LRRIQ1: variants seen among roughly 807,000 people sequenced by gnomAD.
The protein encoded by LRRIQ1 is leucine-rich repeat- and IQ domain-containing protein 1.
LRRIQ1 carries 210 observed loss-of-function variants against 211.9 expected under a neutral mutation model. The observed-to-expected ratio is 0.99, with a 90% CI of 0.89 to 1.11. The LOEUF is 1.11. Ranked by LOEUF, LRRIQ1 falls within the 50% of genes most tolerant of loss-of-function variation. LRRIQ1 has a pLI of 0.00. For missense variants in LRRIQ1, 2,136 were observed against 1,939.5 expected, an observed-to-expected ratio of 1.10 and a Z score of -1.90; for synonymous variants, 699 against 650.1, an observed-to-expected ratio of 1.08 and a Z score of -1.14.
intron 24 of LRRIQ1, among the ~76,000 whole-genome samples, chr12:85,173,401 A>G (rs548604530): frequency 6.6e-6 from 1 of 152,164 alleles, no homozygotes; most frequent in Non-Finnish European, 1.5e-5. Context: ...CCCATAACAA[A>G]ATACCATAGT....
At chr12:85,216,303 T>C (rs1056283403) in intron 24 of LRRIQ1, among the ~76,000 whole-genome samples, 1 of 152,268 alleles carries the variant, frequency 6.6e-6, no homozygotes, top group Non-Finnish European at 1.5e-5. Flanking sequence ...TTGAGAATGA[T>C]GGCTTCCAGC....
chr12:85,055,457 T>C, intron 7 of LRRIQ1, 90 bp from the exon 8 acceptor site: 1 of 1,037,952 alleles, frequency 9.6e-7, no homozygotes, highest in Non-Finnish European at 1.3e-6. Flanking sequence ...TCAGTTTTAG[T>C]ATTTGTTTTC....
intron 24 of LRRIQ1, among the ~76,000 whole-genome samples, chr12:85,186,730 T>C (rs1592938635): frequency 6.6e-6 from 1 of 152,196 alleles, no homozygotes; most frequent in East Asian, 1.9e-4. Context: ...CAAGCAGGTT[T>C]ATTGTCTTAG....
chr12:85,098,651 C>A, intron 12 of LRRIQ1, 103 bp downstream of exon 12: 1 of 939,670 alleles, frequency 1.1e-6, no homozygotes, highest in South Asian at 1.9e-5. Context: ...TTATTTTGTT[C>A]ATTTTTCACC....
intron 17 of LRRIQ1, 44 bp downstream of exon 17, chr12:85,124,563 T>C (rs746284620): frequency 1.1e-5 from 16 of 1,414,616 alleles, no homozygotes; most frequent in Admixed American, 1.7e-5. Flanking sequence ...GTATGTTTAC[T>C]CCTTTTGATG....
At chr12:85,265,495 A>G (rs1294734381), downstream of LRRIQ1, among the ~76,000 whole-genome samples, 2 of 152,036 alleles carry the variant, frequency 1.3e-5, no homozygotes, top group Non-Finnish European at 2.9e-5. Context: ...ATTATCTGCC[A>G]TGATATTTTT....
intron 23 of LRRIQ1, among the ~76,000 whole-genome samples, chr12:85,154,930 A>C (rs570228585): frequency 1.3e-5 from 2 of 151,376 alleles, no homozygotes; most frequent in East Asian, 3.9e-4. Context: ...ATGTAATCAT[A>C]TGAAAAAATA....
chr12:85,122,437 A>G lies in LRRIQ1; in HGVS notation c.3557+561A>G, dbSNP rs112945492. ...AAATGTTGAAGAAAGAAAACTTCCT[A>G]TTCCCCACCTCGAATTCTGAATGCA... On this transcript the variant is annotated intron_variant, in intron 16 of 26. Transcript: ENST00000393217. Among the ~76,000 whole-genome samples, 39 of 152,280 alleles carry G rather than the reference A, an allele frequency of 2.6e-4. 1 individual carries two copies. Among genetic ancestry groups the G allele is most frequent in the African/African-American group, 8.9e-4 (37 of 41,578 alleles).
intron 26 of LRRIQ1, among the ~76,000 whole-genome samples, chr12:85,236,855 ATC>A (rs1555228697): frequency 1.4e-5 from 2 of 144,728 alleles, no homozygotes; most frequent in African/African-American, 5.2e-5. Flanking sequence ...ATATATATAT[ATC>A]TCCCAGATTA....
chr12:85,179,905 T>C (rs529125054), intron 24 of LRRIQ1, among the ~76,000 whole-genome samples: 1 of 152,050 alleles, frequency 6.6e-6, no homozygotes, highest in African/African-American at 2.4e-5. Flanking sequence ...GATCAAATCT[T>C]AATCATATTT....
At chr12:85,262,326 A>G (rs1297679626) in intron 1 of LRRIQ1, among the ~76,000 whole-genome samples, 5 of 152,080 alleles carry the variant, frequency 3.3e-5, no homozygotes, top group African/African-American at 4.8e-5. Flanking sequence ...TGATGTGCAT[A>G]TATTATTTCT....
At chr12:85,198,599 G>C (rs529414558) in intron 24 of LRRIQ1, among the ~76,000 whole-genome samples, 93 of 147,958 alleles carry the variant, frequency 6.3e-4, no homozygotes, top group Middle Eastern at 3.5e-3. Context: ...ACAGAGTCTC[G>C]CTCTGTTTCC....
At chr12:85,192,657 A>G (rs1405126145) in intron 24 of LRRIQ1, among the ~76,000 whole-genome samples, 1,342 of 80,844 alleles carry the variant, frequency 0.017, 241 homozygotes, top group African/African-American at 0.046. Context: ...TACTATAATT[A>G]TAAATATATA....
intron 8 of LRRIQ1, among the ~76,000 whole-genome samples, chr12:85,061,379 T>C (rs1478965741): frequency 1.3e-5 from 2 of 151,748 alleles, no homozygotes; most frequent in Non-Finnish European, 2.9e-5. Context: ...TATATTGCTA[T>C]ACTATAAAGA....
At chr12:85,236,668 A>G (rs1226552632) in intron 26 of LRRIQ1, among the ~76,000 whole-genome samples, 2 of 151,772 alleles carry the variant, frequency 1.3e-5, no homozygotes, top group Admixed American at 6.6e-5. Flanking sequence ...TTATTAAAGT[A>G]GGTATTTGAA....
chr12:85,083,216 A>G (rs1884477715), intron 11 of LRRIQ1, among the ~76,000 whole-genome samples: 2 of 152,100 alleles, frequency 1.3e-5, no homozygotes. Context: ...CATATTCATC[A>G]GTTTAACAAG....
chr12:85,108,517 C>T (rs1886943276), intron 15 of LRRIQ1, among the ~76,000 whole-genome samples: 1 of 152,032 alleles, frequency 6.6e-6, no homozygotes, highest in Non-Finnish European at 1.5e-5. Context: ...GGTCCTTTCC[C>T]CTGAATTTAG....
downstream of LRRIQ1, among the ~76,000 whole-genome samples, chr12:85,249,320 A>G (rs984023951): frequency 6.6e-6 from 1 of 151,794 alleles, no homozygotes; most frequent in South Asian, 2.1e-4. Flanking sequence ...CAAATCAAGA[A>G]GGTAGCATGT....
chr12:85,245,879 A>G (rs931453506), downstream of LRRIQ1, among the ~76,000 whole-genome samples: 6 of 150,666 alleles, frequency 4.0e-5, no homozygotes, highest in Admixed American at 2.0e-4. Context: ...ACATATATAC[A>G]TATATATATA....
Sources: allele counts gnomAD v4.1 joint callset (sites outside exome capture counted in the v4.1 genomes callset), GRCh38; gene constraint gnomAD v4.1.1; transcripts MANE v1.5; gene names NCBI Gene and HGNC (gene_info 2026-07-23, HGNC 2026-07-21).